Variants in LMF1 observed in about 807,000 individuals in gnomAD.
LMF1 encodes the protein lipase maturation factor 1, also known as transmembrane protein 112.
A neutral mutation model predicts 60.6 loss-of-function variants in LMF1; 68 were observed. The observed-to-expected ratio is 1.12, with a 90% confidence interval of 0.92 to 1.37. LMF1 has a LOEUF of 1.37. LMF1 is among the 40% of genes most tolerant of loss of function. The pLI is 0.00. For missense variants in LMF1, 948 were observed against 767.2 expected (o/e 1.24, Z -2.78); for synonymous variants, 418 against 324.7 (o/e 1.29, Z -3.09).
Position 866,300 on chromosome 16 carries a change from T to C in LMF1, c.1529+2644A>G, listed in dbSNP as rs563560491. On this transcript the variant is annotated intron_variant, in intron 10 of 10. Coordinates refer to ENST00000262301, the MANE Select transcript of LMF1 (RefSeq NM_022773.4). ...TTACCTTGCTCCTGCCAGGTTGGGG[T>C]AGAACTCCAGTGGACGCATTGGGAG... Among the ~76,000 whole-genome samples the C allele has an allele frequency of 1.3e-3, 192 of 152,336 alleles. No individual in the cohort carries two copies. The Middle Eastern group carries it at 0.014, about 11-fold the overall frequency.
Sources: allele counts gnomAD v4.1 joint callset (sites outside exome capture counted in the v4.1 genomes callset), GRCh38; gene constraint gnomAD v4.1.1; transcripts MANE v1.5; gene names NCBI Gene and HGNC (gene_info 2026-07-23, HGNC 2026-07-21).